ATRNL1: variants seen among roughly 807,000 people sequenced by gnomAD.
ATRNL1 encodes attractin-like protein 1.
Under a neutral mutation model 182.7 loss-of-function variants are expected in ATRNL1, and 95 were observed. The observed-to-expected ratio is 0.52, with a 90% CI of 0.44 to 0.62. ATRNL1 has a LOEUF of 0.62. ATRNL1 is among the 20% of genes least tolerant of loss of function. The probability of loss-of-function intolerance (pLI) is 0.00; values close to 1 mark genes in which losing one functional copy is unlikely to be tolerated. For missense variants in ATRNL1, 1,471 were observed against 1,679.5 expected (o/e 0.88, Z 2.17); for synonymous variants, 576 against 568.3 (o/e 1.01, Z -0.19).
At chr10:115,128,259 G>A (rs1350044078) in intron 4 of ATRNL1, 3 of 153,268 alleles carry the variant, frequency 2.0e-5, no homozygotes, top group South Asian at 2.1e-4. Context: ...TCTAAAATAA[G>A]AAAAGTAATA....
intron 10 of ATRNL1, among the ~76,000 whole-genome samples, chr10:115,241,931 A>T (rs1290064601): frequency 6.6e-6 from 1 of 152,072 alleles, no homozygotes; most frequent in Non-Finnish European, 1.5e-5. Flanking sequence ...GTAGTGGTAG[A>T]TACAGGGAAT....
chr10:115,308,537 A>G (rs1408018211), intron 17 of ATRNL1, among the ~76,000 whole-genome samples: 2 of 152,098 alleles, frequency 1.3e-5, no homozygotes, highest in East Asian at 3.8e-4. Context: ...TTTGATGACA[A>G]TTTCTTACAG....
intron 26 of ATRNL1, among the ~76,000 whole-genome samples, chr10:115,713,709 T>TATCTATCTATCTATCTATC (rs1947154327): frequency 2.7e-5 from 2 of 75,216 alleles, no homozygotes; most frequent in Non-Finnish European, 5.5e-5. Flanking sequence ...ATCTATCATC[T>TATCTATCTATCTATCTATC]ATCTATCTAT....
chr10:115,861,558 T>C (rs141490543), intron 28 of ATRNL1, among the ~76,000 whole-genome samples: 1,635 of 152,252 alleles, frequency 0.011, 27 homozygotes, highest in African/African-American at 0.038. Context: ...GGCCTGAAAT[T>C]TGGCTTATGA....
chr10:115,358,130 A>G (rs1003750341), intron 19 of ATRNL1, among the ~76,000 whole-genome samples: 1 of 151,638 alleles, frequency 6.6e-6, no homozygotes, highest in South Asian at 2.1e-4. Context: ...ACCTGACATG[A>G]TATAAGTTCT....
chr10:115,174,380 T>G (rs1554886351), intron 8 of ATRNL1, among the ~76,000 whole-genome samples: 1 of 151,892 alleles, frequency 6.6e-6, no homozygotes, highest in African/African-American at 2.4e-5. Flanking sequence ...TTTGAAATTT[T>G]AAAATGAGTA....
At chr10:115,811,797 C>A (rs2860364) in intron 27 of ATRNL1, among the ~76,000 whole-genome samples, 23,672 of 151,796 alleles carry the variant, frequency 0.16, 2,111 homozygotes, top group Non-Finnish European at 0.2. Flanking sequence ...TATAGCCACT[C>A]CAGCTTTCTT....
At chr10:115,344,157 C>G (rs1463284288) in intron 19 of ATRNL1, among the ~76,000 whole-genome samples, 1 of 152,088 alleles carries the variant, frequency 6.6e-6, no homozygotes, top group Non-Finnish European at 1.5e-5. Flanking sequence ...GCCTAAAGTC[C>G]TGGGGCTCTA....
intron 1 of ATRNL1, among the ~76,000 whole-genome samples, chr10:115,106,295 A>G (rs2143481218): frequency 6.6e-6 from 1 of 152,254 alleles, no homozygotes; most frequent in South Asian, 2.1e-4. Context: ...GTATTTATCC[A>G]ATACCTATAC....
At chr10:115,882,328 C>T (rs1240039430) in intron 28 of ATRNL1, among the ~76,000 whole-genome samples, 1 of 152,178 alleles carries the variant, frequency 6.6e-6, no homozygotes, top group Non-Finnish European at 1.5e-5. Context: ...GTCTGCCCCA[C>T]TGAGGGCTGC....
intron 27 of ATRNL1, among the ~76,000 whole-genome samples, chr10:115,738,614 T>A (rs1948051074): frequency 6.6e-6 from 1 of 152,136 alleles, no homozygotes; most frequent in South Asian, 2.1e-4. Flanking sequence ...TAGCAGGCAA[T>A]GTTTTGGAAA....
At chr10:115,645,790 T>A (rs1418702193) in intron 26 of ATRNL1, among the ~76,000 whole-genome samples, 1 of 151,990 alleles carries the variant, frequency 6.6e-6, no homozygotes, top group Non-Finnish European at 1.5e-5. Context: ...GTTATTGAAC[T>A]TCATTGTTAC....
At chr10:115,587,393 G>A (rs1361621646) in intron 26 of ATRNL1, among the ~76,000 whole-genome samples, 1 of 151,768 alleles carries the variant, frequency 6.6e-6, no homozygotes, top group Non-Finnish European at 1.5e-5. Flanking sequence ...TCAGACTGCT[G>A]TGCTAGCAAT....
chr10:115,391,621 A>ATT (rs34059560), intron 19 of ATRNL1, among the ~76,000 whole-genome samples: 1 of 147,928 alleles, frequency 6.8e-6, no homozygotes, highest in Non-Finnish European at 1.5e-5. Context: ...TATTCAATGC[A>ATT]TTTTTTTTTT....
At chr10:115,269,095 A>G (rs1173264696) in intron 13 of ATRNL1, among the ~76,000 whole-genome samples, 1 of 152,160 alleles carries the variant, frequency 6.6e-6, no homozygotes, top group Non-Finnish European at 1.5e-5. Context: ...TTTTAGCACT[A>G]TTGACATTTT....
chr10:115,577,130 G>A (rs1592881145), intron 26 of ATRNL1, among the ~76,000 whole-genome samples: 1 of 151,362 alleles, frequency 6.6e-6, no homozygotes. Context: ...AATTACTCTG[G>A]TTTTGTAATA....
At chr10:115,704,491 T>C (rs189079496) in intron 26 of ATRNL1, among the ~76,000 whole-genome samples, 8 of 152,108 alleles carry the variant, frequency 5.3e-5, no homozygotes, top group African/African-American at 1.9e-4. Flanking sequence ...AGACATATTT[T>C]CAACCCATGT....
chr10:115,631,026 A>G (rs1200802980), intron 26 of ATRNL1, among the ~76,000 whole-genome samples: 1 of 151,810 alleles, frequency 6.6e-6, no homozygotes, highest in Non-Finnish European at 1.5e-5. Context: ...AGGCCTAATC[A>G]TAGAAGAAAG....
At chr10:115,310,108 T>G (rs542312013) in intron 17 of ATRNL1, among the ~76,000 whole-genome samples, 1 of 152,304 alleles carries the variant, frequency 6.6e-6, no homozygotes, top group East Asian at 1.9e-4. Flanking sequence ...TATTTGAGAT[T>G]ATCATATCAC....
Sources: allele counts gnomAD v4.1 joint callset (sites outside exome capture counted in the v4.1 genomes callset), GRCh38; gene constraint gnomAD v4.1.1; transcripts MANE v1.5; gene names NCBI Gene and HGNC (gene_info 2026-07-23, HGNC 2026-07-21).